UGT1A4: variants seen among roughly 807,000 people sequenced by gnomAD.
The protein encoded by UGT1A4 is UDP glucuronosyltransferase family 1 member A4, also known as UDP-glucuronosyltransferase 1A4.
A neutral mutation model predicts 41.1 loss-of-function variants in UGT1A4; 32 were observed. That is an observed-to-expected ratio of 0.78 (90% CI 0.59 to 1.05). UGT1A4 has a LOEUF of 1.05. Ranked by LOEUF, UGT1A4 falls within the 50% of genes least tolerant of loss-of-function variation. UGT1A4 has a pLI of 0.00. For synonymous variants in UGT1A4, 283 were observed against 265.1 expected (o/e 1.07, Z -0.66); for missense variants, 748 against 677.4 (o/e 1.10, Z -1.16).
At chr2:233,761,183 A>C in intron 1 of UGT1A4, 1 of 1,614,192 alleles carries the variant, frequency 6.2e-7, no homozygotes, top group East Asian at 2.2e-5. Flanking sequence ...TTACATGCGT[A>C]TATTCTTTCA....
In UGT1A4 at chr2:233,751,878, G is replaced by T. The variant is rs139907629; in HGVS notation, c.868-15156G>T. On this transcript the variant is annotated intron_variant, in intron 1 of 4. Transcript: ENST00000373409. ...GTCTTTTATAAATTACCCCGTCTTG[G>T]GTATGTCTTTATAGCAGTGTGAGAA... Among the ~76,000 whole-genome samples the T allele has an allele frequency of 2.6e-5, 4 of 152,104 alleles. No homozygotes were observed. In the East Asian group the frequency reaches 7.7e-4, roughly 29 times the overall value.
chr2:233,760,912 C>A (rs72551343), intron 1 of UGT1A4: 1 of 1,614,188 alleles, frequency 6.2e-7, no homozygotes, highest in South Asian at 1.1e-5. Context: ...CTTCCTGCAG[C>A]GGGTGAAGAA....
chr2:233,749,735 T>C (rs1694263378), intron 1 of UGT1A4, among the ~76,000 whole-genome samples: 1 of 151,892 alleles, frequency 6.6e-6, no homozygotes, highest in Non-Finnish European at 1.5e-5. Context: ...CACCTGCTGG[T>C]CTCATCATAG....
Position 233,769,516 on chromosome 2 carries a change from G to C in UGT1A4, c.1307+1077G>C. 1 of 1,612,814 alleles carries C rather than the reference G, an allele frequency of 6.2e-7. No individual in the cohort carries two copies. Reference sequence around the variant, plus strand: ...GAGAGTGTCCATTGCTTTCTCCCATGGTTACCTCCTTTAGAAAGAAGCAGC... The same window carrying C: ...GAGAGTGTCCATTGCTTTCTCCCATCGTTACCTCCTTTAGAAAGAAGCAGC... On this transcript the variant is annotated intron_variant, in intron 4 of 4. Coordinates refer to ENST00000373409, the MANE Select transcript of UGT1A4 (RefSeq NM_007120.3). The surrounding 1 kb of genome is among the most constrained non-coding windows in gnomAD (Gnocchi z 4.4).
rs35350960 is a variant in UGT1A4, at chr2:233,760,973, C to T, written c.868-6061C>T. On this transcript the variant is annotated intron_variant, in intron 1 of 4. Coordinates refer to ENST00000373409, the MANE Select transcript of UGT1A4 (RefSeq NM_007120.3). The stretch of plus-strand genomic sequence containing the variant: ...TTTCTGTGCGACGTGGTTTATTCCC[C>T]GTATGCAACCCTTGCCTCAGAATTC... 4.6e-5 allele frequency: 74 copies of T among 1,614,056 alleles called. No homozygotes were observed. Among genetic ancestry groups the T allele is most frequent in the Non-Finnish European group, 5.4e-5 (64 of 1,180,038 alleles).
In UGT1A4 at chr2:233,772,986, C is replaced by A; in HGVS notation, c.*427C>A. 3.5e-6 allele frequency: 1 copy of A among 282,682 alleles called. No homozygotes were observed. The highest frequency in any genetic ancestry group is 6.8e-6 in the Non-Finnish European group (1 of 146,824). 17.5% of individuals were successfully genotyped at this position (282,682 alleles called of 1,614,324 possible). A position where few individuals can be genotyped will look rare whatever the true frequency, so the allele number is the denominator to read the frequency against. On this transcript the variant is annotated 3_prime_UTR_variant, in exon 5 of 5. Transcript: ENST00000373409. ...TGATCCTTAACCAATAATGGTCAGTCCTCATCTCTGTCGTGCTTCATAGGT... is the reference window on the plus strand; with the variant it reads ...TGATCCTTAACCAATAATGGTCAGTACTCATCTCTGTCGTGCTTCATAGGT...
Position 233,724,752 on chromosome 2 carries a change from C to T in UGT1A4, c.867+5065C>T, listed in dbSNP as rs545669110. On this transcript the variant is annotated intron_variant, in intron 1 of 4. Coordinates refer to ENST00000373409, the MANE Select transcript of UGT1A4 (RefSeq NM_007120.3). The stretch of plus-strand genomic sequence containing the variant: ...GCAGAGGGGCTCCTCACATCCCAGA[C>T]GATGGGCGGCCAGGCAGAGACACTC... 4.9e-4 allele frequency among the ~76,000 whole-genome samples: 69 copies of T among 142,122 alleles called. 9 individuals carry two copies. In the East Asian group the frequency reaches 0.011, roughly 22 times the overall value. The allele number at this position is 142,122 out of a possible 152,430, so 93.2% of individuals were successfully genotyped here. A position where few individuals can be genotyped will look rare whatever the true frequency, so the allele number is the denominator to read the frequency against.
chr2:233,743,524 C>G (rs751668012), intron 1 of UGT1A4: 19 of 1,367,170 alleles, frequency 1.4e-5, no homozygotes, highest in Non-Finnish European at 1.8e-5. Flanking sequence ...GCTTCTGCTT[C>G]CCCAGCAGTT....
intron 1 of UGT1A4, among the ~76,000 whole-genome samples, chr2:233,748,437 T>C (rs1194940254): frequency 2.6e-5 from 4 of 151,838 alleles, no homozygotes; most frequent in African/African-American, 9.7e-5. Flanking sequence ...GATTTTTTGT[T>C]TGCACAATTT....
intron 1 of UGT1A4, chr2:233,755,391 C>A: frequency 2.9e-6 from 1 of 343,030 alleles, no homozygotes; most frequent in Non-Finnish European, 5.7e-6. Context: ...TATGACGCAG[C>A]CACATCTCAT....
chr2:233,743,938 A>T (rs754327674), intron 1 of UGT1A4: 2 of 1,356,166 alleles, frequency 1.5e-6, no homozygotes, highest in Admixed American at 1.9e-5. Context: ...AGAACGGCCC[A>T]CCAGGCACTG....
intron 1 of UGT1A4, among the ~76,000 whole-genome samples, chr2:233,735,916 G>T (rs182665210): frequency 5.9e-5 from 9 of 152,142 alleles, no homozygotes; most frequent in Admixed American, 5.9e-4. Context: ...TGGGTAACCC[G>T]ACCTTTCTCT....
At chr2:233,764,548 G>A (rs1431186890) in intron 1 of UGT1A4, among the ~76,000 whole-genome samples, 1 of 152,168 alleles carries the variant, frequency 6.6e-6, no homozygotes, top group African/African-American at 2.4e-5. Context: ...TGGGCGTGTG[G>A]GAGGGTGTGC....
chr2:233,763,634 G>A (rs185655809), intron 1 of UGT1A4, among the ~76,000 whole-genome samples: 42 of 152,196 alleles, frequency 2.8e-4, no homozygotes, highest in Admixed American at 6.5e-4. Flanking sequence ...TGTGTTGATG[G>A]TCCTATTCTC....
At chr2:233,764,179 C>T (rs1420569842) in intron 1 of UGT1A4, among the ~76,000 whole-genome samples, 1 of 152,170 alleles carries the variant, frequency 6.6e-6, no homozygotes. Flanking sequence ...CAGGGAAATT[C>T]TCTCATTCAG....
Position 233,769,767 on chromosome 2 carries a change from A to T in UGT1A4, c.1307+1328A>T. On this transcript the variant is annotated intron_variant, in intron 4 of 4. Transcript: ENST00000373409. The surrounding 1 kb of genome is among the most constrained non-coding windows in gnomAD (Gnocchi z 4.4). The stretch of plus-strand genomic sequence containing the variant: ...CCACTCTGGAGGCTAAGGCGGGAGG[A>T]TTGCTTGAGCCCAGAAGTTGGAGGC... The T allele has an allele frequency of 7.3e-7, 1 of 1,374,514 alleles. No individual in the cohort carries two copies. Among genetic ancestry groups the T allele is most frequent in the Non-Finnish European group, 9.5e-7 (1 of 1,054,322 alleles). The allele number at this position is 1,374,514 out of a possible 1,614,324, so 85.1% of individuals were successfully genotyped here. A position where few individuals can be genotyped will look rare whatever the true frequency, so the allele number is the denominator to read the frequency against.
At chr2:233,730,901 C>A (rs2078088163) in intron 1 of UGT1A4, among the ~76,000 whole-genome samples, 1 of 152,116 alleles carries the variant, frequency 6.6e-6, no homozygotes, top group Non-Finnish European at 1.5e-5. Flanking sequence ...TACTCCTTTA[C>A]CAAAAATTTC....
chr2:233,731,109 T>C (rs1417583719), intron 1 of UGT1A4, among the ~76,000 whole-genome samples: 2 of 152,194 alleles, frequency 1.3e-5, no homozygotes, highest in African/African-American at 2.4e-5. Flanking sequence ...TTTTTATAAA[T>C]GTAGGTATTA....
Position 233,768,353 on chromosome 2 carries a change from T to C in UGT1A4, c.1221T>C (p.Thr407=). The change falls in exon 4 of 5, where the codon ACT becomes ACC. Residue 407 remains threonine, a synonymous_variant. Coordinates refer to ENST00000373409, the MANE Select transcript of UGT1A4 (RefSeq NM_007120.3). ...TGGACAATGCAAAGCGCATGGAGAC[T>C]AAGGGAGCTGGAGTGACCCTGAATG... is the stretch of plus-strand genomic sequence containing the variant. ...DQMDNAKRME[T]KGAGVTLNVL... is the part of the protein sequence containing the mutation. 6.2e-7 allele frequency: 1 copy of C among 1,614,150 alleles called. No individual in the cohort carries two copies. The highest frequency in any genetic ancestry group is 1.1e-5 in the South Asian group (1 of 91,082).
Sources: allele counts gnomAD v4.1 joint callset (sites outside exome capture counted in the v4.1 genomes callset), GRCh38; gene constraint gnomAD v4.1.1; non-coding constraint Gnocchi (gnomAD v3.1); transcripts MANE v1.5; gene names NCBI Gene and HGNC (gene_info 2026-07-23, HGNC 2026-07-21).